The following RAI1 variants were observed in gnomAD, a reference collection of about 807,000 sequenced individuals.
RAI1 encodes the protein retinoic acid induced 1.
In RAI1, 9 loss-of-function variants were observed where a neutral mutation model predicts 123.8. That is an observed-to-expected ratio of 0.07 (90% CI 0.04 to 0.13). The LOEUF (loss-of-function observed/expected upper bound fraction) is 0.13. Among genes scored for constraint, RAI1 ranks in the 10% least tolerant of loss-of-function variants. The pLI, the probability that RAI1 is intolerant of heterozygous loss-of-function variation, is 1.00. For synonymous variants in RAI1, 1,231 were observed against 1,127.3 expected (o/e 1.09, Z -1.84); for missense variants, 2,256 against 2,545.8 (o/e 0.89, Z 2.45).
rs775670732 is a variant in RAI1, at chr17:17,768,186, CA to C, written c.-16-24746del. Among the ~76,000 whole-genome samples the C allele has an allele frequency of 4.6e-5, 7 of 152,162 alleles. No homozygotes were observed. The East Asian group carries it at 5.8e-4, about 13-fold the overall frequency. ...ATGCCTGGGACGTAGGGGACACTGT[CA>C]GGGGGTGGCACCTGGTCCCATGGTC... On this transcript the variant is annotated intron_variant, in intron 2 of 5. Transcript: ENST00000353383.
At chr17:17,798,680 G>A (rs1157246683) in intron 3 of RAI1, among the ~76,000 whole-genome samples, 167 bp downstream of exon 3, 1 of 152,142 alleles carries the variant, frequency 6.6e-6, no homozygotes, top group African/African-American at 2.4e-5. Context: ...TGGGGGAAGT[G>A]GAGGCACCCA....
chr17:17,737,859 A>G (rs1415732389), intron 2 of RAI1, among the ~76,000 whole-genome samples: 2 of 152,232 alleles, frequency 1.3e-5, no homozygotes. Flanking sequence ...GCAGGCCTGG[A>G]GCCCCAGAGT....
chr17:17,684,673 T>TAA (rs1914562803), intron 1 of RAI1: 1 of 19,770 alleles, frequency 5.1e-5, no homozygotes, highest in Admixed American at 3.7e-4. Flanking sequence ...ACTTAATGCA[T>TAA]ATATATATAT....
At chr17:17,715,245 C>T (rs1741556360) in intron 1 of RAI1, among the ~76,000 whole-genome samples, 1 of 152,248 alleles carries the variant, frequency 6.6e-6, no homozygotes, top group Non-Finnish European at 1.5e-5. Context: ...TGCACTGTCC[C>T]TGTGCTGGGC....
At position 17,718,369 on chromosome 17, in the gene RAI1, T is replaced by C. The variant is rs1165685021; in HGVS notation, c.-148-5659T>C. Among the ~76,000 whole-genome samples, 6 of 152,346 alleles carry C rather than the reference T, an allele frequency of 3.9e-5. No individual in the cohort carries two copies. The East Asian group carries it at 9.6e-4, about 24-fold the overall frequency. On this transcript the variant is annotated intron_variant, in intron 1 of 5. Transcript: ENST00000353383. ...CTCTCCACCCCCATCAGCTAAAATA[T>C]CAAGCTCTTTGCTTTCAAAGAAAAG...
Position 17,793,280 on chromosome 17 carries a change from G to A in RAI1, c.332G>A (p.Arg111His), listed in dbSNP as rs763052036. 3.1e-6 allele frequency: 5 copies of A among 1,612,268 alleles called. No individual in the cohort carries two copies. The highest frequency in any genetic ancestry group is 3.4e-6 in the Non-Finnish European group (4 of 1,179,668). ...CAGGACAGCAGCCCCTACCCAGGCC[G>A]CTATGCTGGTGAGGAGAGCCTTCAG... is the stretch of plus-strand genomic sequence containing the variant. Reference protein sequence around the residue: ...GVQDSSPYPGRYAGEESLQAW... With the variant: ...GVQDSSPYPGHYAGEESLQAW... The change falls in exon 3 of 6, where the codon CGC becomes CAC. Residue 111 changes from arginine to histidine, a missense_variant. Arg to His is a conservative substitution (Grantham distance 29). This residue lies in a region of RAI1 where 336 missense variants were observed against 349.8 expected (regional missense o/e 0.96). Transcript: ENST00000353383.
chr17:17,794,115 C>T lies in RAI1; in HGVS notation c.1167C>T (p.His389=). 1 of 1,614,138 alleles carries T rather than the reference C, an allele frequency of 6.2e-7. No individual in the cohort carries two copies. ...CCTTCCCCGCAGGGATCACTGACCA[C>T]AGCCACTTCATGCCCCTGCTCAATC... ...TGAFPAGITD[H]SHFMPLLNPS... The change falls in exon 3 of 6, where the codon CAC becomes CAT. Residue 389 remains histidine (H), a synonymous_variant. Coordinates refer to ENST00000353383, the MANE Select transcript of RAI1 (RefSeq NM_030665.4).
intron 2 of RAI1, among the ~76,000 whole-genome samples, chr17:17,784,238 G>A (rs145379063): frequency 5.3e-4 from 80 of 152,242 alleles, no homozygotes; most frequent in Non-Finnish European, 9.0e-4. Flanking sequence ...GGGACTGGGA[G>A]GGGCTGGCCT....
rs542798843 is a variant in RAI1, at chr17:17,768,550, A to G, written c.-16-24383A>G. On this transcript the variant is annotated intron_variant, in intron 2 of 5. Transcript: ENST00000353383. The stretch of plus-strand genomic sequence containing the variant: ...AGGTGGCTTGCCCAGTTTACACGCC[A>G]GACATAGGGCCAGGCAGTGCTCTGA... Among the ~76,000 whole-genome samples the G allele has an allele frequency of 6.6e-5, 10 of 152,316 alleles. No individual in the cohort carries two copies. In the East Asian group the frequency reaches 1.5e-3, roughly 24 times the overall value.
rs74341253 is a variant in RAI1, at chr17:17,751,401, G to A, written c.-17+27242G>A. On this transcript the variant is annotated intron_variant, in intron 2 of 5. Coordinates refer to ENST00000353383, the MANE Select transcript of RAI1 (RefSeq NM_030665.4). The stretch of plus-strand genomic sequence containing the variant: ...GAGCTTGCCCAGAACAGTGACCTAA[G>A]TCTGAGATCCTTCCGACCCACACTG... Among the ~76,000 whole-genome samples, 518 of 152,344 alleles carry A rather than the reference G, an allele frequency of 3.4e-3. 8 individuals carry two copies. In the East Asian group the frequency reaches 0.035, roughly 10 times the overall value.
In RAI1 at chr17:17,810,179, C is replaced by G. The variant is rs941152097; in HGVS notation, c.*198C>G. 1.3e-6 allele frequency: 1 copy of G among 764,150 alleles called. No homozygotes were observed. Among genetic ancestry groups the G allele is most frequent in the Admixed American group, 3.1e-5 (1 of 32,314 alleles). 47.3% of individuals were successfully genotyped at this position (764,150 alleles called of 1,614,324 possible). A position where few individuals can be genotyped will look rare whatever the true frequency, so the allele number is the denominator to read the frequency against. ...TGCGGCCCCGGGTTGGGAGGAAAAC[C>G]CGTTCCGGAGCCGCCTGCTCCCGGA... On this transcript the variant is annotated 3_prime_UTR_variant, in exon 6 of 6. Coordinates refer to ENST00000353383, the MANE Select transcript of RAI1 (RefSeq NM_030665.4). The surrounding 1 kb of genome is among the most constrained non-coding windows in gnomAD (Gnocchi z 4.6).
intron 4 of RAI1, among the ~76,000 whole-genome samples, chr17:17,806,923 C>CA (rs2032605155): frequency 6.6e-6 from 1 of 151,678 alleles, no homozygotes; most frequent in African/African-American, 2.4e-5. Context: ...GCTGCTCTGC[C>CA]AGGCCATCTA....
chr17:17,767,608 GA>G (rs1222823629), intron 2 of RAI1, among the ~76,000 whole-genome samples: 1 of 152,042 alleles, frequency 6.6e-6, no homozygotes, highest in Non-Finnish European at 1.5e-5. Flanking sequence ...TGGCAGGTCA[GA>G]AAAAAAATGT....
At position 17,797,808 on chromosome 17, in the gene RAI1, G is replaced by A. The variant is rs777717641; in HGVS notation, c.4860G>A (p.Ala1620=). 2.0e-5 allele frequency: 32 copies of A among 1,613,880 alleles called. No homozygotes were observed. In the South Asian group the frequency reaches 2.3e-4, roughly 12 times the overall value. ...CTGTTGTCAACTCCCCTGGAGATGC[G>A]CCCAAGCCCCACAGGAAGCCTTCCT... ...ICTVVNSPGD[A]PKPHRKPSSS... Residue 1620 remains alanine (A), a synonymous_variant, in exon 3 of 6, where the codon GCG becomes GCA. Coordinates refer to ENST00000353383, the MANE Select transcript of RAI1 (RefSeq NM_030665.4).
chr17:17,724,001 C>CGAGCGCTCACATT (rs1223058354), intron 1 of RAI1, 27 bp from the exon 2 acceptor site: 1 of 137,388 alleles, frequency 7.3e-6, no homozygotes, highest in African/African-American at 2.7e-5. Context: ...AGGATTCGTG[C>CGAGCGCTCACATT]GAGCGCTCAC....
rs141715116 is a variant in RAI1 at position 17,800,470 on chromosome 17, G to A, written c.5565+1957G>A. Among the ~76,000 whole-genome samples the A allele has an allele frequency of 1.3e-5, 2 of 152,324 alleles. No individual in the cohort carries two copies. The highest frequency in any genetic ancestry group is 2.9e-5 in the Non-Finnish European group (2 of 68,032). On this transcript the variant is annotated intron_variant, in intron 3 of 5. Coordinates refer to ENST00000353383, the MANE Select transcript of RAI1 (RefSeq NM_030665.4). This position sits in a 1 kb window ranked among gnomAD's most constrained non-coding sequence, Gnocchi z 4.7. ...ACATCCCCTGCAGCCAGCACTGGCCGGCCGAAGGGAGGAGGGGTCAGCCCC... is the reference window on the plus strand; with the variant it reads ...ACATCCCCTGCAGCCAGCACTGGCCAGCCGAAGGGAGGAGGGGTCAGCCCC...
At chr17:17,779,282 G>C (rs2031472452) in intron 2 of RAI1, 1 of 294,700 alleles carries the variant, frequency 3.4e-6, no homozygotes, top group Admixed American at 4.6e-5. Flanking sequence ...GCGTGTCTGG[G>C]GGACTGGCCA....
At chr17:17,759,758 C>T (rs1567879662) in intron 2 of RAI1, among the ~76,000 whole-genome samples, 1 of 152,208 alleles carries the variant, frequency 6.6e-6, no homozygotes, top group Non-Finnish European at 1.5e-5. Flanking sequence ...CACTGCTGCA[C>T]TCAGCACCAA....
At chr17:17,764,011 T>C (rs1001786483) in intron 2 of RAI1, among the ~76,000 whole-genome samples, 7 of 152,246 alleles carry the variant, frequency 4.6e-5, no homozygotes, top group Non-Finnish European at 7.3e-5. Context: ...CATGTGGCAC[T>C]TCCACTTGAA....
Sources: gnomAD v4.1 joint callset for allele counts (sites outside exome capture counted in the v4.1 genomes callset) on GRCh38, gnomAD v4.1.1 for gene constraint, gnomAD v4.1.1 regional missense constraint, Gnocchi (gnomAD v3.1) non-coding constraint, MANE v1.5 for transcripts, NCBI Gene and HGNC (gene_info 2026-07-23, HGNC 2026-07-21) for gene names.